Variants in PTPRD observed in about 807,000 individuals in gnomAD.
The protein encoded by PTPRD is protein tyrosine phosphatase receptor type D.
Under a neutral mutation model 214.5 loss-of-function variants are expected in PTPRD, and 34 were observed. The ratio of observed to expected loss-of-function variants is 0.16; its 90% CI spans 0.12 to 0.21. The LOEUF is 0.21. PTPRD is among the 10% of genes least tolerant of loss of function. The pLI is 1.00. For synonymous variants in PTPRD, 1,128 were observed against 845.7 expected, an observed-to-expected ratio of 1.33 and a Z score of -5.79; for missense variants, 2,545 against 2,398.7, an observed-to-expected ratio of 1.06 and a Z score of -1.27.
intron 2 of PTPRD, among the ~76,000 whole-genome samples, chr9:10,522,257 C>T (rs765354013): frequency 3.9e-5 from 6 of 152,054 alleles, no homozygotes; most frequent in Non-Finnish European, 8.8e-5. Flanking sequence ...ATGCCAGGGC[C>T]AATATCTGCA....
intron 12 of PTPRD, among the ~76,000 whole-genome samples, chr9:8,646,947 G>A (rs1458839985): frequency 6.6e-6 from 1 of 152,132 alleles, no homozygotes; most frequent in Non-Finnish European, 1.5e-5. Context: ...TGTGATCTTT[G>A]CACCTCTATT....
chr9:10,212,355 A>C (rs1054339200), intron 3 of PTPRD, among the ~76,000 whole-genome samples: 1 of 152,136 alleles, frequency 6.6e-6, no homozygotes, highest in Non-Finnish European at 1.5e-5. Context: ...TGTAGCTAAA[A>C]GTCTTATATA....
intron 11 of PTPRD, among the ~76,000 whole-genome samples, chr9:8,975,610 A>G (rs905074633): frequency 2.0e-5 from 3 of 152,020 alleles, no homozygotes; most frequent in Non-Finnish European, 2.9e-5. Context: ...AAGAATAAAC[A>G]TTGAACTATG....
intron 7 of PTPRD, among the ~76,000 whole-genome samples, chr9:9,581,554 T>G (rs987050460): frequency 6.6e-6 from 1 of 152,170 alleles, no homozygotes; most frequent in Non-Finnish European, 1.5e-5. Flanking sequence ...CAGTAAAACC[T>G]TGCACATTAT....
At chr9:9,728,497 T>G (rs1000166778) in intron 7 of PTPRD, among the ~76,000 whole-genome samples, 2 of 152,134 alleles carry the variant, frequency 1.3e-5, no homozygotes, top group Admixed American at 6.6e-5. Context: ...GGCATTTAAA[T>G]TACTATGGAT....
At chr9:8,786,626 G>A (rs1362777584) in intron 11 of PTPRD, among the ~76,000 whole-genome samples, 1 of 151,298 alleles carries the variant, frequency 6.6e-6, no homozygotes, top group South Asian at 2.1e-4. Flanking sequence ...CGTTGGCGAG[G>A]CTGGTCTGGA....
intron 10 of PTPRD, among the ~76,000 whole-genome samples, chr9:9,037,700 G>A (rs1213464589): frequency 6.6e-6 from 1 of 152,166 alleles, no homozygotes; most frequent in Non-Finnish European, 1.5e-5. Context: ...GTACAGAAAG[G>A]TGTCCAGCAA....
At chr9:8,326,377 G>A (rs1001886419) in intron 44 of PTPRD, among the ~76,000 whole-genome samples, 9 of 152,172 alleles carry the variant, frequency 5.9e-5, no homozygotes, top group Admixed American at 4.6e-4. Flanking sequence ...TACGTTCATT[G>A]ATTTGTGTAT....
At chr9:8,484,030 CT>C (rs1174009506) in intron 30 of PTPRD, 88 bp downstream of exon 30, 4 of 1,489,860 alleles carry the variant, frequency 2.7e-6, no homozygotes, top group Non-Finnish European at 3.6e-6. Context: ...TAAGCAGTAT[CT>C]TCTTTTACGA....
chr9:9,620,376 T>C (rs1038228233), intron 7 of PTPRD, among the ~76,000 whole-genome samples: 2 of 152,164 alleles, frequency 1.3e-5, no homozygotes, highest in African/African-American at 4.8e-5. Context: ...GTAAATAAGA[T>C]AGTCTGATAA....
intron 14 of PTPRD, among the ~76,000 whole-genome samples, chr9:8,530,270 T>C: frequency 6.6e-6 from 1 of 152,032 alleles, no homozygotes; most frequent in Non-Finnish European, 1.5e-5. Context: ...AGCAAAGTCC[T>C]TTTCAATCAG....
At chr9:8,508,847 C>G (rs1449731178) in intron 21 of PTPRD, among the ~76,000 whole-genome samples, 1 of 150,416 alleles carries the variant, frequency 6.6e-6, no homozygotes, top group African/African-American at 2.4e-5. Context: ...TAATTTTATT[C>G]CTCTGGTAAG....
chr9:8,407,219 C>A (rs994170798), intron 35 of PTPRD, among the ~76,000 whole-genome samples: 10 of 152,114 alleles, frequency 6.6e-5, no homozygotes, highest in African/African-American at 2.4e-4. Flanking sequence ...CAACAAATAA[C>A]AGGATAATTA....
intron 7 of PTPRD, among the ~76,000 whole-genome samples, chr9:9,598,484 A>G (rs1487461421): frequency 2.0e-5 from 3 of 152,002 alleles, no homozygotes; most frequent in African/African-American, 7.2e-5. Flanking sequence ...CTTTTAATAA[A>G]ATAATTTAAA....
At chr9:10,594,784 C>A (rs1388345704) in intron 2 of PTPRD, among the ~76,000 whole-genome samples, 1 of 151,940 alleles carries the variant, frequency 6.6e-6, no homozygotes, top group Non-Finnish European at 1.5e-5. Context: ...GTAGGGGCAG[C>A]TGGGCATAAA....
chr9:8,528,555 C>T (rs200059690), intron 15 of PTPRD, 36 bp downstream of exon 15: 1 of 1,562,358 alleles, frequency 6.4e-7, no homozygotes, highest in Non-Finnish European at 8.7e-7. Context: ...AAAAAAAATT[C>T]TCTAGGAGTT....
At chr9:9,799,733 G>A (rs1182113246) in intron 5 of PTPRD, 1 of 152,108 alleles carries the variant, frequency 6.6e-6, no homozygotes, top group African/African-American at 2.4e-5. Flanking sequence ...ATAAAATGAT[G>A]TCCCAATGAA....
At chr9:8,446,478 T>A (rs1445574025) in intron 34 of PTPRD, among the ~76,000 whole-genome samples, 1 of 152,236 alleles carries the variant, frequency 6.6e-6, no homozygotes, top group Non-Finnish European at 1.5e-5. Context: ...TTTGCTATTT[T>A]ATCATTCATA....
At chr9:9,023,685 A>G (rs2099577196) in intron 10 of PTPRD, among the ~76,000 whole-genome samples, 1 of 151,858 alleles carries the variant, frequency 6.6e-6, no homozygotes, top group Non-Finnish European at 1.5e-5. Context: ...AATAATCCAC[A>G]GTGTCTATTA....
Sources: allele counts gnomAD v4.1 joint callset (sites outside exome capture counted in the v4.1 genomes callset), GRCh38; gene constraint gnomAD v4.1.1; transcripts MANE v1.5; gene names NCBI Gene and HGNC (gene_info 2026-07-23, HGNC 2026-07-21).